Variants in ACLY observed in about 807,000 individuals in gnomAD.
ACLY encodes ATP-citrate synthase.
Under a neutral mutation model 133.0 loss-of-function variants are expected in ACLY, and 41 were observed. The observed-to-expected ratio is 0.31, with a 90% CI of 0.24 to 0.40. ACLY has a LOEUF of 0.40. ACLY is among the 10% of genes least tolerant of loss of function. The pLI, the probability that ACLY is intolerant of heterozygous loss-of-function variation, is 1.00. For missense variants in ACLY, 1,046 were observed against 1,453.8 expected (o/e 0.72, Z 4.56); for synonymous variants, 495 against 549.3 (o/e 0.90, Z 1.38).
Position 41,915,492 on chromosome 17 carries a change from G to C in ACLY, c.-23-1596C>G, listed in dbSNP as rs1205926535. ...GCGCCCCCTCCCAATCGGCCAGGCT[G>C]GTGGGGCTTCAGGTTCTCATCCTGG... On this transcript the variant is annotated intron_variant, in intron 1 of 28. Transcript: ENST00000352035. 2.0e-5 allele frequency among the ~76,000 whole-genome samples: 3 copies of C among 152,186 alleles called. No homozygotes were observed. The East Asian group carries it at 5.8e-4, about 29-fold the overall frequency.
intron 28 of ACLY, 93 bp downstream of exon 28, chr17:41,868,606 AAAAAAAAAAG>A: frequency 1.4e-6 from 1 of 694,464 alleles, no homozygotes; most frequent in East Asian, 3.1e-5. Flanking sequence ...AAATTAAAAA[AAAAAAAAAAG>A]AAAGAAAAAG....
chr17:41,909,151 A>G, intron 5 of ACLY, 83 bp from the exon 6 acceptor site: 1 of 1,016,002 alleles, frequency 9.8e-7, no homozygotes, highest in Non-Finnish European at 1.5e-6. Context: ...GCAATCTCTC[A>G]CTGCCACCGA....
chr17:41,907,529 C>A lies in ACLY; in HGVS notation c.660G>T (p.Lys220Asn). The change falls in exon 7 of 29, where the codon AAG (lysine) becomes AAT (asparagine). Residue 220 changes from lysine to asparagine, a missense_variant. Lys to Asn is a moderately conservative substitution (Grantham distance 94). This residue lies in a region of ACLY where 575 missense variants were observed against 804.2 expected (regional missense o/e 0.71). Coordinates refer to ENST00000352035, the MANE Select transcript of ACLY (RefSeq NM_001096.3). ...DGVYVLDLAA[K>N]VDATADYICK... is the part of the protein sequence containing the mutation. ...AGATGTAGTCGGCAGTGGCGTCCAC[C>A]TTGGCCGCCAAGTCAAGGACATAGA... 1 of 1,614,076 alleles carries A rather than the reference C, an allele frequency of 6.2e-7. No homozygotes were observed. Among genetic ancestry groups the A allele is most frequent in the East Asian group, 2.2e-5 (1 of 44,856 alleles).
upstream of ACLY, among the ~76,000 whole-genome samples, chr17:41,923,399 A>G (rs1470496580): frequency 1.3e-5 from 2 of 152,174 alleles, no homozygotes; most frequent in Admixed American, 1.3e-4. Context: ...TTTATTGAGC[A>G]CCTACTATGT....
intron 14 of ACLY, among the ~76,000 whole-genome samples, chr17:41,895,940 T>G (rs147500647): frequency 6.6e-6 from 1 of 152,180 alleles, no homozygotes; most frequent in Non-Finnish European, 1.5e-5. Context: ...TGAATGCGCA[T>G]GCACAGAAGT....
chr17:41,899,221 A>G (rs2049457298), intron 11 of ACLY, among the ~76,000 whole-genome samples: 1 of 151,960 alleles, frequency 6.6e-6, no homozygotes, highest in South Asian at 2.1e-4. Context: ...GTTGCAAAGT[A>G]AGCTGAGATT....
Position 41,871,710 on chromosome 17 carries a change from G to A in ACLY, c.2916C>T (p.Gly972=), listed in dbSNP as rs1321574332. ...TCACCGACTTCACTCGGTGACCAAT[G>A]CCCATGATCAGCTTCCCTTCCTTCT... is the stretch of plus-strand genomic sequence containing the variant. ...KMKKEGKLIM[G]IGHRVKSINN... is the part of the protein sequence containing the mutation. The change falls in exon 25 of 29, where the codon GGC becomes GGT. Residue 972 remains glycine (G), a synonymous_variant. Coordinates refer to ENST00000352035, the MANE Select transcript of ACLY (RefSeq NM_001096.3). The A allele has an allele frequency of 2.5e-6, 4 of 1,613,944 alleles. No homozygotes were observed. Among genetic ancestry groups the A allele is most frequent in the Non-Finnish European group, 3.4e-6 (4 of 1,180,026 alleles).
chr17:41,878,192 C>T lies in ACLY; in HGVS notation c.2398G>A (p.Val800Ile). 2 of 1,582,638 alleles carry T rather than the reference C, an allele frequency of 1.3e-6. No homozygotes were observed. Among genetic ancestry groups the T allele is most frequent in the East Asian group, 2.4e-5 (1 of 42,416 alleles). Residue 800 changes from valine (V) to isoleucine (I), a missense_variant, in exon 22 of 29, where the codon GTA becomes ATA. Val to Ile is a conservative substitution (Grantham distance 29, BLOSUM62 3). Transcript: ENST00000352035. ...CCATTGGCCACGAGATCTTCGTATA[C>T]AGACCTGGGAGGCAGGAAAAAAAAG... ...FDELGEIIQSVYEDLVANGVI... is the reference protein window; with the variant it reads ...FDELGEIIQSIYEDLVANGVI...
intron 15 of ACLY, 57 bp from the exon 16 acceptor site, chr17:41,892,504 G>GGGAA: frequency 6.7e-7 from 1 of 1,500,748 alleles, no homozygotes; most frequent in Non-Finnish European, 9.1e-7. Context: ...ACTGGGGAAG[G>GGGAA]GGAAGCTGAG....
At chr17:41,889,175 A>T (rs1555628740) in intron 16 of ACLY, among the ~76,000 whole-genome samples, 2 of 152,076 alleles carry the variant, frequency 1.3e-5, no homozygotes, top group African/African-American at 4.8e-5. Flanking sequence ...AAACTAGGTG[A>T]TGTGCTAGGT....
intron 1 of ACLY, among the ~76,000 whole-genome samples, chr17:41,927,308 C>T (rs1365556284): frequency 1.3e-5 from 2 of 152,000 alleles, no homozygotes; most frequent in Non-Finnish European, 2.9e-5. Context: ...TGTTCCCAGG[C>T]AGTTAGTCTG....
chr17:41,869,481 G>A lies in ACLY; in HGVS notation c.3044C>T (p.Thr1015Ile), dbSNP rs1555624633. The A allele has an allele frequency of 6.2e-7, 1 of 1,613,016 alleles. No homozygotes were observed. The highest frequency in any genetic ancestry group is 1.7e-5 in the Admixed American group (1 of 60,010). Residue 1015 changes from threonine (T) to isoleucine (I), a missense_variant, in exon 26 of 29, where the codon ACC becomes ATC. Physicochemically the swap from Thr to Ile is moderately conservative, Grantham distance 89. Coordinates refer to ENST00000352035, the MANE Select transcript of ACLY (RefSeq NM_001096.3). ...DYALEVEKIT[T>I]SKKPNLILNV... ...AAGTTTTTTCTTTGTTACCTTCGAG[G>A]TGGTAATCTTCTCTACTTCCAGTGC...
chr17:41,903,019 GCT>G (rs2049584557), intron 10 of ACLY, among the ~76,000 whole-genome samples: 1 of 151,958 alleles, frequency 6.6e-6, no homozygotes, highest in Non-Finnish European at 1.5e-5. Context: ...GAACTTCTGA[GCT>G]CAAGTGATCT....
In ACLY at chr17:41,878,893, T is replaced by C. The variant is rs371847332; in HGVS notation, c.2297A>G (p.Asn766Ser). Reference protein sequence around the residue: ...VQFGHAGACANQASETAVAKN... With the variant: ...VQFGHAGACASQASETAVAKN... ...GGCTACTGCAGTTTCAGAAGCCTGGTTGGCACAAGCTCCAGCATGGCCAAA... is the reference window on the plus strand; with the variant it reads ...GGCTACTGCAGTTTCAGAAGCCTGGCTGGCACAAGCTCCAGCATGGCCAAA... The change falls in exon 21 of 29, where the codon AAC (asparagine) becomes AGC (serine). Residue 766 changes from asparagine to serine, a missense_variant. Asn to Ser is a conservative substitution (Grantham distance 46). Around this residue, in one of 4 missense-constraint regions of ACLY, gnomAD observed 575 missense variants for 804.2 expected, o/e 0.71. Coordinates refer to ENST00000352035, the MANE Select transcript of ACLY (RefSeq NM_001096.3). The C allele has an allele frequency of 6.9e-5, 112 of 1,613,926 alleles. No individual in the cohort carries two copies. The highest frequency in any genetic ancestry group is 8.7e-5 in the Non-Finnish European group (103 of 1,179,998).
At position 41,867,619 on chromosome 17, in the gene ACLY, A is replaced by G. The variant is rs901399831; in HGVS notation, c.*191T>C. 3 of 403,458 alleles carry G rather than the reference A, an allele frequency of 7.4e-6. No individual in the cohort carries two copies. Among genetic ancestry groups the G allele is most frequent in the Admixed American group, 4.4e-5 (1 of 22,940 alleles). 25.0% of individuals were successfully genotyped at this position (403,458 alleles called of 1,614,324 possible). On this transcript the variant is annotated 3_prime_UTR_variant, in exon 29 of 29. Coordinates refer to ENST00000352035, the MANE Select transcript of ACLY (RefSeq NM_001096.3). ...TTATTTCTATGCTTATAAAAAAAAT[A>G]TGAAGCTTCTTTGTGTGGACTGAAG...
At chr17:41,889,716 T>C (rs2049155731) in intron 16 of ACLY, among the ~76,000 whole-genome samples, 1 of 149,554 alleles carries the variant, frequency 6.7e-6, no homozygotes, top group African/African-American at 2.5e-5. Flanking sequence ...TGAGATGGAG[T>C]CTCTCGTCGC....
chr17:41,867,666 G>T lies in ACLY; in HGVS notation c.*144C>A. On this transcript the variant is annotated 3_prime_UTR_variant, in exon 29 of 29. Coordinates refer to ENST00000352035, the MANE Select transcript of ACLY (RefSeq NM_001096.3). The stretch of plus-strand genomic sequence containing the variant: ...GAAGGGGTGTTAGCCTGTGGATGTT[G>T]GTCTTCGGTGCCTGTACCCCAGTGG... The T allele has an allele frequency of 1.9e-6, 1 of 513,864 alleles. No homozygotes were observed. The highest frequency in any genetic ancestry group is 3.5e-6 in the Non-Finnish European group (1 of 288,412). The allele number at this position is 513,864 out of a possible 1,614,324, so 31.8% of individuals were successfully genotyped here.
At chr17:41,910,352 G>T in intron 3 of ACLY, 68 bp from the exon 4 acceptor site, 1 of 1,420,512 alleles carries the variant, frequency 7.0e-7, no homozygotes, top group South Asian at 1.2e-5. Flanking sequence ...CAGAAGGAGG[G>T]ACTGCACAGG....
At chr17:41,875,614 G>C in intron 22 of ACLY, among the ~76,000 whole-genome samples, 1 of 152,188 alleles carries the variant, frequency 6.6e-6, no homozygotes. Flanking sequence ...ACTGGTTTTC[G>C]TATTTTTTTG....
Sources: allele counts gnomAD v4.1 joint callset (sites outside exome capture counted in the v4.1 genomes callset), GRCh38; gene constraint gnomAD v4.1.1; regional missense constraint gnomAD v4.1.1; transcripts MANE v1.5; gene names NCBI Gene and HGNC (gene_info 2026-07-23, HGNC 2026-07-21).